CD8B2: variants seen among roughly 807,000 people sequenced by gnomAD.
The protein encoded by CD8B2 is CD8B family member 2.
In CD8B2, 11 loss-of-function variants were observed where a neutral mutation model predicts 23.7. The ratio of observed to expected loss-of-function variants is 0.46; its 90% CI spans 0.29 to 0.77. CD8B2 has a LOEUF of 0.77. CD8B2 is among the 30% of genes least tolerant of loss of function. The pLI is 0.09. For synonymous variants in CD8B2, 90 were observed against 109.3 expected (o/e 0.82, Z 1.10); for missense variants, 197 against 270.5 (o/e 0.73, Z 1.91).
At chr2:106,543,738 A>T (rs1244706958) in intron 5 of CD8B2, among the ~76,000 whole-genome samples, 1 of 152,212 alleles carries the variant, frequency 6.6e-6, no homozygotes, top group Non-Finnish European at 1.5e-5. Context: ...TGTAAATATC[A>T]GGATCTTCTG....
Position 106,502,370 on chromosome 2 carries a change from G to A in CD8B2, c.494-104G>A. On this transcript the variant is annotated intron_variant, in intron 3 of 5. Coordinates refer to ENST00000643224, the MANE Select transcript of CD8B2 (RefSeq NM_001349727.2). ...GAAATACAAATGGTGGTATTCTCTG[G>A]GAGGTGGGGCTTCCAGTTGAATTTT... is the stretch of plus-strand genomic sequence containing the variant. 4.6e-6 allele frequency: 3 copies of A among 647,910 alleles called. No homozygotes were observed. In the South Asian group the frequency reaches 5.1e-5, roughly 11 times the overall value. 40.1% of individuals were successfully genotyped at this position (647,910 alleles called of 1,614,324 possible). A position where few individuals can be genotyped will look rare whatever the true frequency, so the allele number is the denominator to read the frequency against.
At chr2:106,512,726 T>C (rs533684034), downstream of CD8B2, among the ~76,000 whole-genome samples, 246 of 152,332 alleles carry the variant, frequency 1.6e-3, 3 homozygotes, top group Admixed American at 7.8e-3. Flanking sequence ...ATTACAGGCA[T>C]GAGCCACCAT....
chr2:106,487,980 G>A (rs938865388), intron 1 of CD8B2, among the ~76,000 whole-genome samples: 21 of 152,172 alleles, frequency 1.4e-4, no homozygotes, highest in African/African-American at 5.1e-4. Flanking sequence ...TCTCCCTGAT[G>A]TGGCTGGTGT....
chr2:106,501,002 A>G (rs556978878), intron 3 of CD8B2, among the ~76,000 whole-genome samples: 1 of 152,336 alleles, frequency 6.6e-6, no homozygotes, highest in South Asian at 2.1e-4. Context: ...GATGATATCA[A>G]GGGTCAGCAA....
chr2:106,500,545 T>TAAAC (rs1553466754), intron 3 of CD8B2, among the ~76,000 whole-genome samples: 2 of 125,460 alleles, frequency 1.6e-5, no homozygotes, highest in Admixed American at 8.0e-5. Flanking sequence ...AATAAATAAA[T>TAAAC]AAATAAATAA....
At chr2:106,527,908 C>G (rs1481520360) in intron 5 of CD8B2, among the ~76,000 whole-genome samples, 3 of 152,258 alleles carry the variant, frequency 2.0e-5, no homozygotes, top group African/African-American at 4.8e-5. Context: ...TCCACACCCC[C>G]TCTCTGCTGA....
At chr2:106,542,194 G>A (rs1471981542) in intron 5 of CD8B2, among the ~76,000 whole-genome samples, 4 of 152,154 alleles carry the variant, frequency 2.6e-5, no homozygotes, top group East Asian at 1.9e-4. Context: ...CACGGTCTCC[G>A]TCTCTGTTGT....
At chr2:106,500,671 A>T (rs1165196425) in intron 3 of CD8B2, among the ~76,000 whole-genome samples, 1 of 151,994 alleles carries the variant, frequency 6.6e-6, no homozygotes, top group East Asian at 1.9e-4. Context: ...TGACATCCAC[A>T]ATGCTTTCCA....
At chr2:106,489,812 G>T (rs940434256) in intron 1 of CD8B2, among the ~76,000 whole-genome samples, 1 of 152,144 alleles carries the variant, frequency 6.6e-6, no homozygotes, top group African/African-American at 2.4e-5. Context: ...TCAGAGGCAG[G>T]CAGGACAACA....
At chr2:106,541,586 C>T (rs1680174901) in intron 5 of CD8B2, among the ~76,000 whole-genome samples, 1 of 152,168 alleles carries the variant, frequency 6.6e-6, no homozygotes, top group Non-Finnish European at 1.5e-5. Flanking sequence ...TTTTAGAATG[C>T]ATTTTTCAAA....
intron 5 of CD8B2, among the ~76,000 whole-genome samples, chr2:106,542,408 C>T (rs1680189023): frequency 6.6e-6 from 1 of 152,062 alleles, no homozygotes; most frequent in African/African-American, 2.4e-5. Context: ...ACTTAGAGTC[C>T]TTATATTACT....
chr2:106,524,434 G>C (rs1472475421), intron 5 of CD8B2, among the ~76,000 whole-genome samples: 2 of 152,272 alleles, frequency 1.3e-5, no homozygotes, highest in African/African-American at 4.8e-5. Context: ...AGGGTGTTCA[G>C]CTGGAGAACT....
intron 5 of CD8B2, among the ~76,000 whole-genome samples, chr2:106,541,968 C>T (rs1377009931): frequency 6.6e-6 from 1 of 152,154 alleles, no homozygotes; most frequent in African/African-American, 2.4e-5. Context: ...AGGCTGTTCA[C>T]TCTCTGGCGG....
At chr2:106,529,754 A>G (rs1263598336) in intron 5 of CD8B2, among the ~76,000 whole-genome samples, 1 of 152,198 alleles carries the variant, frequency 6.6e-6, no homozygotes, top group Admixed American at 6.5e-5. Context: ...AGCTCCATGC[A>G]TCACAGGTGA....
At chr2:106,524,291 A>G (rs1335598251) in intron 5 of CD8B2, among the ~76,000 whole-genome samples, 2 of 152,204 alleles carry the variant, frequency 1.3e-5, no homozygotes, top group African/African-American at 4.8e-5. Context: ...TTGTATATTC[A>G]TGCTCTTGTT....
downstream of CD8B2, among the ~76,000 whole-genome samples, chr2:106,514,690 A>G (rs553549600): frequency 0.036 from 5,349 of 150,152 alleles, 90 homozygotes; most frequent in Non-Finnish European, 0.048. Flanking sequence ...CCTGATGGTA[A>G]CTCCAAACCT....
chr2:106,499,751 G>A (rs1387731058), intron 3 of CD8B2, among the ~76,000 whole-genome samples: 1 of 150,022 alleles, frequency 6.7e-6, no homozygotes. Flanking sequence ...CTAATCTACC[G>A]TCTACCTCTG....
chr2:106,489,317 T>C (rs1679146355), intron 1 of CD8B2, among the ~76,000 whole-genome samples: 1 of 151,780 alleles, frequency 6.6e-6, no homozygotes, highest in Non-Finnish European at 1.5e-5. Context: ...CATTTCATTC[T>C]TGATGCGAGC....
downstream of CD8B2, among the ~76,000 whole-genome samples, chr2:106,511,876 C>A (rs1444820370): frequency 6.6e-6 from 1 of 152,196 alleles, no homozygotes; most frequent in Non-Finnish European, 1.5e-5. Flanking sequence ...TTGAGATTCA[C>A]AGAAATATGC....
Sources: gnomAD v4.1 joint callset for allele counts (sites outside exome capture counted in the v4.1 genomes callset) on GRCh38, gnomAD v4.1.1 for gene constraint, MANE v1.5 for transcripts, NCBI Gene and HGNC (gene_info 2026-07-23, HGNC 2026-07-21) for gene names.